The following DPP3 variants were observed in gnomAD, a reference collection of about 807,000 sequenced individuals.
DPP3 encodes the protein dipeptidyl peptidase 3.
In DPP3, 64 loss-of-function variants were observed where a neutral mutation model predicts 89.8. The observed-to-expected ratio is 0.71, with a 90% CI of 0.58 to 0.88. The LOEUF (loss-of-function observed/expected upper bound fraction) is 0.88, where lower values mean the gene tolerates loss of function less well. Ranked by LOEUF, DPP3 falls within the 40% of genes least tolerant of loss-of-function variation. DPP3 has a pLI of 0.00. For missense variants in DPP3, 835 were observed against 972.5 expected, an observed-to-expected ratio of 0.86 and a Z score of 1.88; for synonymous variants, 377 against 404.3, an observed-to-expected ratio of 0.93 and a Z score of 0.81.
chr11:66,487,140 G>A (rs1590733553), intron 4 of DPP3, 128 bp from the exon 5 acceptor site: 1 of 830,236 alleles, frequency 1.2e-6, no homozygotes, highest in East Asian at 2.4e-5. Flanking sequence ...TTCCCCTGGA[G>A]GTAGATGGAG....
intron 12 of DPP3, among the ~76,000 whole-genome samples, chr11:66,494,679 C>T (rs1220494035): frequency 1.3e-5 from 2 of 152,204 alleles, no homozygotes; most frequent in Non-Finnish European, 2.9e-5. Context: ...GGCTCTTAGG[C>T]TCTGAGCCTC....
chr11:66,488,723 C>T (rs966940759), intron 6 of DPP3, among the ~76,000 whole-genome samples: 2 of 152,100 alleles, frequency 1.3e-5, no homozygotes, highest in African/African-American at 4.8e-5. Context: ...TTTATGAAGA[C>T]CTTTGCCACC....
At position 66,497,343 on chromosome 11, in the gene DPP3, G is replaced by T. The variant is rs536447620; in HGVS notation, c.1744G>T (p.Ala582Ser). ...TGTGATCCTGAGAGTCTTGCTGGAG[G>T]CTGGCGAGGGACTCGTTACCATCAC... ...RFVILRVLLE[A>S]GEGLVTITPT... Residue 582 changes from alanine (A) to serine (S), a missense_variant, in exon 16 of 18, where the codon GCT (alanine) becomes TCT (serine). By Grantham distance (99) the Ala-to-Ser change is moderately conservative (BLOSUM62 1). Transcript: ENST00000531863. The T allele has an allele frequency of 1.7e-5, 27 of 1,614,024 alleles. No homozygotes were observed. The East Asian group carries it at 5.8e-4, about 35-fold the overall frequency.
intron 4 of DPP3, 80 bp from the exon 5 acceptor site, chr11:66,487,188 G>T: frequency 1.4e-6 from 2 of 1,403,280 alleles, no homozygotes; most frequent in Non-Finnish European, 2.0e-6. Flanking sequence ...AGGGAGGGGC[G>T]GGAAGCCTGG....
intron 4 of DPP3, among the ~76,000 whole-genome samples, chr11:66,486,914 G>A (rs1398718680): frequency 6.6e-6 from 1 of 152,154 alleles, no homozygotes; most frequent in Non-Finnish European, 1.5e-5. Context: ...GATGCCATGT[G>A]CTGATGGAGG....
intron 2 of DPP3, among the ~76,000 whole-genome samples, chr11:66,484,882 C>T (rs1047477419): frequency 6.6e-6 from 1 of 152,154 alleles, no homozygotes; most frequent in African/African-American, 2.4e-5. Context: ...GACACAGTAG[C>T]TTCAGGTGGC....
At chr11:66,481,781 G>C (rs1590729302) in intron 1 of DPP3, among the ~76,000 whole-genome samples, 1 of 152,018 alleles carries the variant, frequency 6.6e-6, no homozygotes, top group Non-Finnish European at 1.5e-5. Flanking sequence ...CCCAGTAGCT[G>C]AGATTACAGG....
At chr11:66,487,400 C>G in intron 5 of DPP3, 58 bp downstream of exon 5, 6 of 1,552,708 alleles carry the variant, frequency 3.9e-6, no homozygotes, top group Non-Finnish European at 5.3e-6. Context: ...TAGTCCCAGC[C>G]CCCTCACAAC....
chr11:66,486,654 C>T lies in DPP3; in HGVS notation c.475C>T (p.Arg159Ter), dbSNP rs749706093. The part of the protein sequence containing the change: ...ELMFSLEPRL[R>*]HLGLGKEGIT... ...TATGTTCTCTCTGGAGCCAAGGCTT[C>T]GACACCTCGGACTGGGGAAGGAGGT... The change falls in exon 4 of 18, where the codon CGA becomes TGA. Residue 159 changes from arginine to a stop codon, truncating the protein, a stop_gained. Coordinates refer to ENST00000531863, the MANE Select transcript of DPP3 (RefSeq NM_130443.4). LOFTEE classifies it high-confidence loss of function. 8.3e-6 allele frequency: 13 copies of T among 1,561,706 alleles called. No individual in the cohort carries two copies. Among genetic ancestry groups the T allele is most frequent in the South Asian group, 1.2e-5 (1 of 84,068 alleles).
At chr11:66,495,334 C>T (rs1565272167) in intron 13 of DPP3, 31 bp from the exon 14 acceptor site, 1 of 1,613,826 alleles carries the variant, frequency 6.2e-7, no homozygotes, top group East Asian at 2.2e-5. Flanking sequence ...CAGTGGCCAC[C>T]TTAAGCCCGA....
Position 66,492,725 on chromosome 11 carries a change from C to T in DPP3, c.998C>T (p.Ala333Val), listed in dbSNP as rs1282757684. ...GSRGEFEGFVAVVNKAMSAKF... is the reference protein window; with the variant it reads ...GSRGEFEGFVVVVNKAMSAKF... Reference sequence around the variant, plus strand: ...CCTCCCTCCTCTGCAGGTTTCGTAGCTGTGGTGAACAAGGCCATGAGTGCC... The same window carrying T: ...CCTCCCTCCTCTGCAGGTTTCGTAGTTGTGGTGAACAAGGCCATGAGTGCC... The change falls in exon 10 of 18, where the codon GCT becomes GTT. Residue 333 changes from alanine (A) to valine (V), a missense_variant. By Grantham distance (64) the Ala-to-Val change is moderately conservative. Coordinates refer to ENST00000531863, the MANE Select transcript of DPP3 (RefSeq NM_130443.4). 1 of 1,592,304 alleles carries T rather than the reference C, an allele frequency of 6.3e-7. No individual in the cohort carries two copies. The highest frequency in any genetic ancestry group is 8.5e-7 in the Non-Finnish European group (1 of 1,170,442).
At chr11:66,490,586 G>C (rs1370886783) in intron 6 of DPP3, among the ~76,000 whole-genome samples, 1 of 151,844 alleles carries the variant, frequency 6.6e-6, no homozygotes, top group East Asian at 1.9e-4. Context: ...AATCCAGTCT[G>C]CCACTTGCTA....
chr11:66,486,691 C>T lies in DPP3; in HGVS notation c.498+14C>T. The stretch of plus-strand genomic sequence containing the variant: ...CTGGGGAAGGAGGTGAGGCCCCTGA[C>T]TCCCCCGAGGGGACAGGGAGTGGAG... On this transcript the variant is annotated intron_variant, in intron 4 of 17. Coordinates refer to ENST00000531863, the MANE Select transcript of DPP3 (RefSeq NM_130443.4). 6.7e-7 allele frequency: 1 copy of T among 1,495,712 alleles called. No homozygotes were observed. The highest frequency in any genetic ancestry group is 8.9e-7 in the Non-Finnish European group (1 of 1,120,212). The allele number at this position is 1,495,712 out of a possible 1,614,324, so 92.7% of individuals were successfully genotyped here.
intron 16 of DPP3, among the ~76,000 whole-genome samples, chr11:66,498,850 A>C (rs1052662985): frequency 4.0e-5 from 6 of 151,824 alleles, no homozygotes; most frequent in Non-Finnish European, 5.9e-5. Flanking sequence ...TCATCTCTAC[A>C]AAAAATTTTA....
rs754754284 is a variant in DPP3 at position 66,492,780 on chromosome 11, G to A, written c.1053G>A (p.Glu351=). The A allele has an allele frequency of 1.9e-6, 3 of 1,613,920 alleles. No homozygotes were observed. Among genetic ancestry groups the A allele is most frequent in the Middle Eastern group, 1.7e-4 (1 of 6,058 alleles). The part of the protein sequence containing the change: ...AKFERLVASA[E]QLLKELPWPP... ...TTGAGCGGCTGGTGGCGAGCGCAGA[G>A]CAGCTGCTGAAGGAGCTGCCCTGGC... Residue 351 remains glutamate (E), a synonymous_variant, in exon 10 of 18, where the codon GAG becomes GAA. Coordinates refer to ENST00000531863, the MANE Select transcript of DPP3 (RefSeq NM_130443.4).
intron 12 of DPP3, 57 bp downstream of exon 12, chr11:66,493,690 C>G: frequency 6.5e-7 from 1 of 1,527,172 alleles, no homozygotes; most frequent in Non-Finnish European, 8.9e-7. Context: ...TCCCCACAAC[C>G]TGCCCTACCC....
chr11:66,487,085 T>C (rs1178334344), intron 4 of DPP3, among the ~76,000 whole-genome samples, 183 bp from the exon 5 acceptor site: 1 of 151,958 alleles, frequency 6.6e-6, no homozygotes. Context: ...TGGGCAGAGC[T>C]GCAGCAACAC....
chr11:66,485,467 C>T (rs1855201235), intron 3 of DPP3, among the ~76,000 whole-genome samples: 1 of 152,190 alleles, frequency 6.6e-6, no homozygotes. Context: ...GCACCACTCG[C>T]CCTGACTGCT....
intron 15 of DPP3, 119 bp from the exon 16 acceptor site, chr11:66,497,179 A>T: frequency 7.9e-7 from 1 of 1,263,754 alleles, no homozygotes; most frequent in Non-Finnish European, 1.1e-6. Context: ...AACAGTTGCC[A>T]GTTAATGGGC....
Sources: allele counts gnomAD v4.1 joint callset (sites outside exome capture counted in the v4.1 genomes callset), GRCh38; gene constraint gnomAD v4.1.1; transcripts MANE v1.5; gene names NCBI Gene and HGNC (gene_info 2026-07-23, HGNC 2026-07-21).